The following LHFPL4 variants were observed in gnomAD, a reference collection of about 807,000 sequenced individuals.
LHFPL4 encodes LHFPL tetraspan subfamily member 4, also known as LHFPL tetraspan subfamily member 4 protein.
Under a neutral mutation model 20.0 loss-of-function variants are expected in LHFPL4, and 6 were observed. The ratio of observed to expected loss-of-function variants is 0.30; its 90% confidence interval spans 0.16 to 0.59. The LOEUF (loss-of-function observed/expected upper bound fraction) is 0.59, where lower values mean the gene tolerates loss of function less well. Ranked by LOEUF, LHFPL4 falls within the 20% of genes least tolerant of loss-of-function variation. LHFPL4 has a pLI of 0.88. For missense variants in LHFPL4, 215 were observed against 331.2 expected (o/e 0.65, Z 2.72); for synonymous variants, 129 against 143.8 (o/e 0.90, Z 0.74).
At chr3:9,524,789 G>A (rs1029490666) in intron 2 of LHFPL4, among the ~76,000 whole-genome samples, 1 of 152,110 alleles carries the variant, frequency 6.6e-6, no homozygotes, top group Non-Finnish European at 1.5e-5. Flanking sequence ...CTGTGTTTTT[G>A]CCTTTTAGTA....
chr3:9,537,974 T>C (rs1234959551), intron 2 of LHFPL4, among the ~76,000 whole-genome samples: 1 of 152,066 alleles, frequency 6.6e-6, no homozygotes, highest in Non-Finnish European at 1.5e-5. Flanking sequence ...CAAATAGACC[T>C]TCTCTTCCTC....
At chr3:9,543,419 G>A (rs2046490453) in intron 2 of LHFPL4, among the ~76,000 whole-genome samples, 2 of 151,798 alleles carry the variant, frequency 1.3e-5, no homozygotes, top group Admixed American at 1.3e-4. Flanking sequence ...GAGAATCGCA[G>A]AACCCAGGAG....
chr3:9,544,164 G>C (rs2046496632), intron 2 of LHFPL4, among the ~76,000 whole-genome samples: 1 of 152,088 alleles, frequency 6.6e-6, no homozygotes, highest in African/African-American at 2.4e-5. Context: ...GGGAGAAACA[G>C]GTGGGGGAGA....
At chr3:9,517,801 G>GTTTTTGT (rs1559517241) in intron 2 of LHFPL4, among the ~76,000 whole-genome samples, 2 of 75,604 alleles carry the variant, frequency 2.6e-5, no homozygotes, top group South Asian at 4.1e-4. Context: ...GGGTTTTTTT[G>GTTTTTGT]TTTTTTGTTT....
chr3:9,538,835 A>T (rs1392704545), intron 2 of LHFPL4, among the ~76,000 whole-genome samples: 4 of 151,678 alleles, frequency 2.6e-5, no homozygotes, highest in Non-Finnish European at 5.9e-5. Context: ...AGTAGCTGGG[A>T]TTACAGGCAT....
intron 3 of LHFPL4, among the ~76,000 whole-genome samples, chr3:9,504,217 AAC>A (rs2046199820): frequency 6.6e-6 from 1 of 152,008 alleles, no homozygotes; most frequent in South Asian, 2.1e-4. Context: ...CTAAGAATAC[AAC>A]AGTTAGCTGG....
chr3:9,540,063 T>C (rs2046468027), intron 2 of LHFPL4, among the ~76,000 whole-genome samples: 1 of 152,180 alleles, frequency 6.6e-6, no homozygotes, highest in Admixed American at 6.5e-5. Context: ...AAATTGTAAA[T>C]GTATATACCA....
At chr3:9,547,696 C>A (rs997842046) in intron 2 of LHFPL4, among the ~76,000 whole-genome samples, 15 of 152,214 alleles carry the variant, frequency 9.9e-5, no homozygotes, top group African/African-American at 3.6e-4. Context: ...TGCCTCTCTA[C>A]TTAGTTAGCA....
chr3:9,524,444 A>C (rs1213502322), intron 2 of LHFPL4, among the ~76,000 whole-genome samples: 2 of 151,940 alleles, frequency 1.3e-5, no homozygotes, highest in Non-Finnish European at 2.9e-5. Context: ...AGTTTGTTTT[A>C]GTCTTTTTCC....
intron 2 of LHFPL4, among the ~76,000 whole-genome samples, chr3:9,536,754 G>C (rs549771922): frequency 2.5e-4 from 38 of 152,082 alleles, no homozygotes; most frequent in African/African-American, 8.9e-4. Context: ...TTGAGGCCAG[G>C]AGTTCGAGAT....
intron 2 of LHFPL4, among the ~76,000 whole-genome samples, chr3:9,526,351 T>C (rs903814919): frequency 2.0e-5 from 3 of 152,166 alleles, no homozygotes; most frequent in African/African-American, 4.8e-5. Flanking sequence ...TGCTAGAGAA[T>C]TGTGCACCAA....
chr3:9,522,954 TGG>T (rs2046348058), intron 2 of LHFPL4, among the ~76,000 whole-genome samples: 1 of 142,498 alleles, frequency 7.0e-6, no homozygotes, highest in Non-Finnish European at 1.5e-5. Flanking sequence ...GGCAGGAGAA[TGG>T]TGTGAACCAG....
chr3:9,505,875 G>T, intron 3 of LHFPL4, 92 bp downstream of exon 3: 1 of 1,241,182 alleles, frequency 8.1e-7, no homozygotes, highest in East Asian at 2.3e-5. Context: ...TCCAATTCAT[G>T]CAACCCTCTT....
At chr3:9,528,429 AG>A (rs994898996) in intron 2 of LHFPL4, among the ~76,000 whole-genome samples, 129 of 152,264 alleles carry the variant, frequency 8.5e-4, no homozygotes, top group African/African-American at 3.1e-3. Flanking sequence ...GCAGCAATTC[AG>A]TCCCATCTTC....
chr3:9,540,286 G>A (rs1409102714), intron 2 of LHFPL4, among the ~76,000 whole-genome samples: 2 of 152,182 alleles, frequency 1.3e-5, no homozygotes, highest in African/African-American at 4.8e-5. Flanking sequence ...TCTCCAAGAT[G>A]TATTGTTGAG....
At chr3:9,503,366 G>C (rs926859449) in intron 3 of LHFPL4, among the ~76,000 whole-genome samples, 1 of 152,214 alleles carries the variant, frequency 6.6e-6, no homozygotes, top group African/African-American at 2.4e-5. Context: ...ATCTCAGTCT[G>C]TCTTGCACTT....
In LHFPL4 at chr3:9,545,533, A is replaced by G. The variant is rs546557480; in HGVS notation, c.406+6741T>C. Among the ~76,000 whole-genome samples the G allele has an allele frequency of 1.1e-4, 17 of 152,262 alleles. No homozygotes were observed. In the South Asian group the frequency reaches 1.5e-3, roughly 13 times the overall value. On this transcript the variant is annotated intron_variant, in intron 2 of 3. Transcript: ENST00000287585. ...TCTACAAAAAATAGAATAAAGGCCA[A>G]GGTGAGCAGATCACCTGAGGTCAGG...
intron 2 of LHFPL4, among the ~76,000 whole-genome samples, chr3:9,539,492 C>T (rs2046464655): frequency 6.6e-6 from 1 of 150,980 alleles, no homozygotes; most frequent in South Asian, 2.1e-4. Flanking sequence ...CAACCCTTGT[C>T]CTCCTGATAC....
chr3:9,529,011 G>A (rs1457081750), intron 2 of LHFPL4, among the ~76,000 whole-genome samples: 3 of 149,216 alleles, frequency 2.0e-5, no homozygotes, highest in African/African-American at 4.9e-5. Context: ...TCCACCTCCC[G>A]GGTTTAGGAA....
Sources: gnomAD v4.1 joint callset for allele counts (sites outside exome capture counted in the v4.1 genomes callset) on GRCh38, gnomAD v4.1.1 for gene constraint, MANE v1.5 for transcripts, NCBI Gene and HGNC (gene_info 2026-07-23, HGNC 2026-07-21) for gene names.